Variants in RASSF8 observed in about 807,000 individuals in gnomAD.
RASSF8 encodes ras association domain-containing protein 8.
A neutral mutation model predicts 48.5 loss-of-function variants in RASSF8; 22 were observed. The ratio of observed to expected loss-of-function variants is 0.45; its 90% CI spans 0.32 to 0.65. The LOEUF (loss-of-function observed/expected upper bound fraction) is 0.65. RASSF8 is among the 30% of genes least tolerant of loss of function. RASSF8 has a pLI of 0.03. For synonymous variants in RASSF8, 127 were observed against 171.5 expected, an observed-to-expected ratio of 0.74 and a Z score of 2.03; for missense variants, 418 against 489.2, an observed-to-expected ratio of 0.85 and a Z score of 1.37.
rs1223467781 is a variant in RASSF8 at position 26,064,658 on chromosome 12, C to G, written c.264C>G (p.Pro88=). 1.2e-6 allele frequency: 2 copies of G among 1,613,950 alleles called. No homozygotes were observed. Among genetic ancestry groups the G allele is most frequent in the African/African-American group, 2.7e-5 (2 of 74,904 alleles). Residue 88 remains proline, a synonymous_variant, in exon 4 of 6, where the codon CCC becomes CCG. Coordinates refer to ENST00000689635, the MANE Select transcript of RASSF8 (RefSeq NM_001394098.1). ...CTGGGCCGTCTCTCAGTGAGCGACC[C>G]ACTTCAGACAGTGTGGCTCGAATTC... ...RRTGPSLSER[P]TSDSVARIPE... is the part of the protein sequence containing the mutation.
At position 26,049,641 on chromosome 12, in the gene RASSF8, CA is replaced by C. The variant is rs1379500180; in HGVS notation, c.-108-5594del. Among the ~76,000 whole-genome samples the C allele has an allele frequency of 5.3e-5, 8 of 152,184 alleles. No homozygotes were observed. In the East Asian group the frequency reaches 1.5e-3, roughly 29 times the overall value. ...TATATGGTCGAAAAAATATAATTGT[CA>C]GTAAGCTATCTGGAGCTGGGCTTTT... On this transcript the variant is annotated intron_variant, in intron 2 of 5. Coordinates refer to ENST00000689635, the MANE Select transcript of RASSF8 (RefSeq NM_001394098.1).
At chr12:26,026,321 C>T (rs1942912211) in intron 2 of RASSF8, among the ~76,000 whole-genome samples, 1 of 152,174 alleles carries the variant, frequency 6.6e-6, no homozygotes, top group Admixed American at 6.5e-5. Flanking sequence ...AGACAAATAT[C>T]TATGTACAAA....
rs7133634 is a variant in RASSF8, at chr12:26,079,080, C to T, written c.*7C>T. On this transcript the variant is annotated 3_prime_UTR_variant, in exon 6 of 6. Transcript: ENST00000381352. Reference sequence around the variant, plus strand: ...GCAGGAGTGTAAAGATTAGATATCACACCAAAAGCTCAGGCAAGAAAAGCA... The same window carrying T: ...GCAGGAGTGTAAAGATTAGATATCATACCAAAAGCTCAGGCAAGAAAAGCA... 6,955 of 1,540,728 alleles carry T rather than the reference C, an allele frequency of 4.5e-3. 289 individuals are homozygous for T. The African/African-American group carries it at 0.085, about 19-fold the overall frequency.
chr12:26,058,534 G>A (rs1012319958), intron 3 of RASSF8, among the ~76,000 whole-genome samples: 3 of 63,664 alleles, frequency 4.7e-5, no homozygotes, highest in South Asian at 1.1e-3. Context: ...GCGCACGCGC[G>A]CGCGCACACA....
intron 1 of RASSF8, among the ~76,000 whole-genome samples, chr12:25,969,912 T>A (rs1941445416): frequency 6.6e-6 from 1 of 152,040 alleles, no homozygotes; most frequent in Non-Finnish European, 1.5e-5. Context: ...GGATGAGAAA[T>A]GCTGCTTTAG....
chr12:26,050,917 A>G (rs1409471663), intron 2 of RASSF8, among the ~76,000 whole-genome samples: 7 of 152,174 alleles, frequency 4.6e-5, no homozygotes, highest in Admixed American at 3.9e-4. Flanking sequence ...GTTTGTATAT[A>G]TTATCTGATC....
intron 1 of RASSF8, among the ~76,000 whole-genome samples, chr12:25,993,735 G>C (rs759411718): frequency 2.0e-5 from 3 of 152,058 alleles, no homozygotes; most frequent in Admixed American, 6.5e-5. Context: ...AGGTAGGTAG[G>C]TCTACTTGAA....
intron 2 of RASSF8, among the ~76,000 whole-genome samples, chr12:26,005,130 G>A (rs9804938): frequency 0.011 from 1,619 of 151,964 alleles, 30 homozygotes; most frequent in African/African-American, 0.031. Context: ...TACATATAAC[G>A]TGTATTTGTG....
chr12:25,970,144 T>C (rs968884284), intron 1 of RASSF8, among the ~76,000 whole-genome samples: 1 of 151,976 alleles, frequency 6.6e-6, no homozygotes, highest in Non-Finnish European at 1.5e-5. Flanking sequence ...CATCAAGTTC[T>C]GAAAGGAGTT....
chr12:26,009,472 G>T (rs1284486843), intron 2 of RASSF8, among the ~76,000 whole-genome samples: 1 of 152,170 alleles, frequency 6.6e-6, no homozygotes, highest in African/African-American at 2.4e-5. Context: ...GCATCCTGTA[G>T]TGCACAGGAC....
chr12:26,058,511 G>T (rs1039225816), intron 3 of RASSF8, among the ~76,000 whole-genome samples: 1 of 146,702 alleles, frequency 6.8e-6, no homozygotes, highest in Admixed American at 7.1e-5. Flanking sequence ...CCTCATGGGG[G>T]CACTACACAC....
At chr12:26,054,597 G>A (rs1294871898) in intron 2 of RASSF8, among the ~76,000 whole-genome samples, 1 of 152,104 alleles carries the variant, frequency 6.6e-6, no homozygotes, top group Non-Finnish European at 1.5e-5. Flanking sequence ...TGGCATTTCA[G>A]CGGGAAGACA....
chr12:25,968,308 T>G (rs1384144665), intron 1 of RASSF8, among the ~76,000 whole-genome samples: 1 of 152,188 alleles, frequency 6.6e-6, no homozygotes, highest in Admixed American at 6.5e-5. Flanking sequence ...CGTTGCTTCC[T>G]TGGCATCACT....
rs1231064433 is a variant in RASSF8, at chr12:26,072,435, T to C, written c.*3617T>C. 4.1e-6 allele frequency: 4 copies of C among 974,966 alleles called. No individual in the cohort carries two copies. In the African/African-American group the frequency reaches 7.0e-5, roughly 17 times the overall value. 60.4% of individuals were successfully genotyped at this position (974,966 alleles called of 1,614,324 possible). The stretch of plus-strand genomic sequence containing the variant: ...GGAGCTCTTTTCAATGCATTTTATA[T>C]ATTTTTAGAAACCAAATAAATGCAG... On this transcript the variant is annotated 3_prime_UTR_variant, in exon 6 of 6. Coordinates refer to ENST00000689635, the MANE Select transcript of RASSF8 (RefSeq NM_001394098.1).
chr12:25,979,776 A>G (rs142202364), intron 1 of RASSF8, among the ~76,000 whole-genome samples: 4 of 152,306 alleles, frequency 2.6e-5, no homozygotes, highest in South Asian at 2.1e-4. Flanking sequence ...GAGGTTGAGT[A>G]CCCATGTTCC....
chr12:26,057,321 C>T (rs1162086389), intron 3 of RASSF8, among the ~76,000 whole-genome samples: 1 of 152,108 alleles, frequency 6.6e-6, no homozygotes, highest in African/African-American at 2.4e-5. Flanking sequence ...TGTTCTCCAC[C>T]CTGTGTCCAA....
intron 1 of RASSF8, among the ~76,000 whole-genome samples, chr12:25,987,283 A>G (rs559132431): frequency 6.6e-6 from 1 of 152,330 alleles, no homozygotes; most frequent in South Asian, 2.1e-4. Context: ...GTGAGTGTTC[A>G]TGATATGAAC....
At chr12:25,992,048 T>G (rs866437517) in intron 1 of RASSF8, among the ~76,000 whole-genome samples, 1 of 152,172 alleles carries the variant, frequency 6.6e-6, no homozygotes, top group African/African-American at 2.4e-5. Context: ...TAGATAACTG[T>G]TTTTCAGACA....
At chr12:25,974,473 A>C (rs1278340642) in intron 1 of RASSF8, among the ~76,000 whole-genome samples, 1 of 150,138 alleles carries the variant, frequency 6.7e-6, no homozygotes. Context: ...TCTACAAAAC[A>C]GACAGGGACT....
Sources: allele counts gnomAD v4.1 joint callset (sites outside exome capture counted in the v4.1 genomes callset), GRCh38; gene constraint gnomAD v4.1.1; transcripts MANE v1.5; gene names NCBI Gene and HGNC (gene_info 2026-07-23, HGNC 2026-07-21).